The following PLD5 variants were observed in gnomAD, a reference collection of about 807,000 sequenced individuals.
PLD5 encodes the protein phospholipase D family member 5, also known as inactive phospholipase D5.
A neutral mutation model predicts 61.1 loss-of-function variants in PLD5; 36 were observed. The ratio of observed to expected loss-of-function variants is 0.59; its 90% confidence interval spans 0.45 to 0.78. The LOEUF is 0.78. Among genes scored for constraint, PLD5 ranks in the 30% least tolerant of loss-of-function variants. The probability of loss-of-function intolerance (pLI) is 0.00; values close to 1 mark genes in which losing one functional copy is unlikely to be tolerated. For missense variants in PLD5, 515 were observed against 644.4 expected (o/e 0.80, Z 2.17); for synonymous variants, 243 against 242.8 (o/e 1.00, Z -0.01).
Position 242,285,018 on chromosome 1 carries a change from G to A in PLD5, c.495+3344C>T, listed in dbSNP as rs184678487. On this transcript the variant is annotated intron_variant, in intron 3 of 9. Coordinates refer to ENST00000536534, the MANE Select transcript of PLD5 (RefSeq NM_001372062.1). ...AGAGGCAGCTAAGAGGTGTCTCTTCGGCAGGAGCAGTATGACTCTACCAGA... is the reference window on the plus strand; with the variant it reads ...AGAGGCAGCTAAGAGGTGTCTCTTCAGCAGGAGCAGTATGACTCTACCAGA... Among the ~76,000 whole-genome samples, 19 of 152,262 alleles carry A rather than the reference G, an allele frequency of 1.2e-4. No homozygotes were observed. In the South Asian group the frequency reaches 1.9e-3, roughly 15 times the overall value.
intron 2 of PLD5, among the ~76,000 whole-genome samples, chr1:242,322,424 GCT>G (rs1294780084): frequency 1.3e-5 from 2 of 152,166 alleles, no homozygotes; most frequent in African/African-American, 4.8e-5. Flanking sequence ...GCCCACAGTT[GCT>G]CTCTCTTCCT....
chr1:242,284,383 C>T (rs780980812), intron 3 of PLD5, among the ~76,000 whole-genome samples: 3 of 151,794 alleles, frequency 2.0e-5, no homozygotes, highest in Admixed American at 6.6e-5. Context: ...GTGATCTGCC[C>T]GCCTCGGCCT....
intron 4 of PLD5, among the ~76,000 whole-genome samples, chr1:242,232,818 G>T (rs368706679): frequency 4.8e-4 from 73 of 152,210 alleles, no homozygotes; most frequent in Non-Finnish European, 8.2e-4. Context: ...ACTCCAGCCT[G>T]CATGACAGAG....
chr1:242,271,622 A>G (rs1398643330), intron 3 of PLD5, among the ~76,000 whole-genome samples: 1 of 152,052 alleles, frequency 6.6e-6, no homozygotes, highest in Admixed American at 6.6e-5. Flanking sequence ...ACACTCAAGA[A>G]TGTTACCTGC....
At chr1:242,506,699 A>G (rs1161222091) in intron 1 of PLD5, among the ~76,000 whole-genome samples, 2 of 152,194 alleles carry the variant, frequency 1.3e-5, no homozygotes, top group African/African-American at 4.8e-5. Flanking sequence ...TCATCTCCAC[A>G]GAAAAACCTC....
At position 242,436,502 on chromosome 1, in the gene PLD5, A is replaced by G. The variant is rs138833483; in HGVS notation, c.189+87586T>C. Among the ~76,000 whole-genome samples, 840 of 152,356 alleles carry G rather than the reference A, an allele frequency of 5.5e-3. 10 individuals are homozygous for G. The highest frequency in any genetic ancestry group is 0.019 in the African/African-American group (810 of 41,592). The stretch of plus-strand genomic sequence containing the variant: ...ACCTTTTAAAAAAAAATTTATCTTT[A>G]CAACACAACTATGTTAATTATTAAA... On this transcript the variant is annotated intron_variant, in intron 1 of 9. Transcript: ENST00000536534.
At chr1:242,402,781 G>A (rs1448691661) in intron 1 of PLD5, among the ~76,000 whole-genome samples, 1 of 152,192 alleles carries the variant, frequency 6.6e-6, no homozygotes, top group East Asian at 1.9e-4. Context: ...CATATGGTAA[G>A]CAGTGAATAG....
At chr1:242,143,104 T>C (rs1664297520) in intron 5 of PLD5, among the ~76,000 whole-genome samples, 1 of 148,340 alleles carries the variant, frequency 6.7e-6, no homozygotes, top group East Asian at 2.0e-4. Flanking sequence ...CTCCGCTCAC[T>C]GCAACCTCCA....
At chr1:242,331,741 C>A (rs563212314) in intron 2 of PLD5, among the ~76,000 whole-genome samples, 4 of 152,270 alleles carry the variant, frequency 2.6e-5, no homozygotes, top group South Asian at 4.1e-4. Context: ...TAATCTCGGA[C>A]CAAAGTCCGA....
chr1:242,321,187 T>C (rs1358077485), intron 2 of PLD5, among the ~76,000 whole-genome samples: 1 of 152,054 alleles, frequency 6.6e-6, no homozygotes, highest in Non-Finnish European at 1.5e-5. Flanking sequence ...TCTAAATTGA[T>C]GCAGCCAGGC....
Position 242,088,784 on chromosome 1 carries a change from T to A in PLD5, c.*1070A>T, listed in dbSNP as rs1659597234. 1.3e-5 allele frequency: 2 copies of A among 152,274 alleles called. No individual in the cohort carries two copies. The highest frequency in any genetic ancestry group is 1.3e-4 in the Admixed American group (2 of 15,274). The allele number at this position is 152,274 out of a possible 1,614,324, so 9.4% of individuals were successfully genotyped here. On this transcript the variant is annotated 3_prime_UTR_variant, in exon 10 of 10. Coordinates refer to ENST00000536534, the MANE Select transcript of PLD5 (RefSeq NM_001372062.1). Reference sequence around the variant, plus strand: ...TATTTCTGCTTCTTAGTAAAATATGTTAAGCACAGTATTTAAATTGCATTT... The same window carrying A: ...TATTTCTGCTTCTTAGTAAAATATGATAAGCACAGTATTTAAATTGCATTT...
At chr1:242,121,982 C>T (rs1662411491) in intron 6 of PLD5, among the ~76,000 whole-genome samples, 1 of 151,988 alleles carries the variant, frequency 6.6e-6, no homozygotes, top group Admixed American at 6.6e-5. Context: ...AGGAGATACA[C>T]CTAATGTAAA....
At chr1:242,151,066 TAAGGACCTC>T (rs755363245) in intron 5 of PLD5, among the ~76,000 whole-genome samples, 33 of 151,992 alleles carry the variant, frequency 2.2e-4, no homozygotes, top group Non-Finnish European at 4.3e-4. Context: ...ATATATAATA[TAAGGACCTC>T]ACAACAATAT....
intron 5 of PLD5, among the ~76,000 whole-genome samples, chr1:242,176,561 G>T (rs190964516): frequency 2.0e-5 from 3 of 152,214 alleles, no homozygotes; most frequent in Admixed American, 6.5e-5. Context: ...AAAAACAATG[G>T]AAACAAAGCC....
At chr1:242,530,245 G>A in the PLD5 span, among the ~76,000 whole-genome samples, 1 of 152,172 alleles carries the variant, frequency 6.6e-6, no homozygotes, top group Non-Finnish European at 1.5e-5. Context: ...TGTTGGCTCA[G>A]TTGACAATCA....
At chr1:242,394,162 G>GTA (rs935424791) in intron 1 of PLD5, among the ~76,000 whole-genome samples, 2 of 93,784 alleles carry the variant, frequency 2.1e-5, no homozygotes, top group African/African-American at 9.3e-5. Flanking sequence ...ATATATATGA[G>GTA]TATATATATG....
intron 5 of PLD5, among the ~76,000 whole-genome samples, chr1:242,170,924 C>T (rs1221429806): frequency 6.6e-6 from 1 of 152,124 alleles, no homozygotes; most frequent in East Asian, 1.9e-4. Flanking sequence ...GATTGGTGTA[C>T]CTGAAAGTGA....
At chr1:242,498,718 T>C (rs1668455157) in intron 1 of PLD5, among the ~76,000 whole-genome samples, 1 of 152,186 alleles carries the variant, frequency 6.6e-6, no homozygotes, top group African/African-American at 2.4e-5. Flanking sequence ...CCCACAATTG[T>C]TCACTGCTTC....
intron 2 of PLD5, among the ~76,000 whole-genome samples, chr1:242,313,694 T>G (rs547988437): frequency 6.6e-6 from 1 of 152,344 alleles, no homozygotes; most frequent in Non-Finnish European, 1.5e-5. Context: ...CTGAGCCTAG[T>G]TCTACCTTTT....
Sources: allele counts gnomAD v4.1 joint callset (sites outside exome capture counted in the v4.1 genomes callset), GRCh38; gene constraint gnomAD v4.1.1; transcripts MANE v1.5; gene names NCBI Gene and HGNC (gene_info 2026-07-23, HGNC 2026-07-21).